Variants in FMNL2 observed in about 807,000 individuals in gnomAD.
The protein encoded by FMNL2 is formin like 2, also known as formin-like protein 2.
Under a neutral mutation model 130.2 loss-of-function variants are expected in FMNL2, and 51 were observed. The ratio of observed to expected loss-of-function variants is 0.39; its 90% CI spans 0.31 to 0.49. The LOEUF is 0.49. Ranked by LOEUF, FMNL2 falls within the 20% of genes least tolerant of loss-of-function variation. The pLI is 0.85. For synonymous variants in FMNL2, 465 were observed against 467.1 expected (o/e 1.00, Z 0.06); for missense variants, 977 against 1,316.2 (o/e 0.74, Z 3.99).
Position 152,594,451 on chromosome 2 carries a change from G to A in FMNL2, c.877-12888G>A, listed in dbSNP as rs559425458. Reference sequence around the variant, plus strand: ...GACTGCAGACAGTATTGTGACTTCCGGCCTAAGTTCCCTTTTATGACTACT... The same window carrying A: ...GACTGCAGACAGTATTGTGACTTCCAGCCTAAGTTCCCTTTTATGACTACT... On this transcript the variant is annotated intron_variant, in intron 9 of 25. Transcript: ENST00000288670. 1.4e-4 allele frequency among the ~76,000 whole-genome samples: 21 copies of A among 152,262 alleles called. No homozygotes were observed. In the South Asian group the frequency reaches 3.9e-3, roughly 29 times the overall value.
At chr2:152,565,118 A>T (rs915898734) in intron 6 of FMNL2, among the ~76,000 whole-genome samples, 1 of 152,244 alleles carries the variant, frequency 6.6e-6, no homozygotes, top group Non-Finnish European at 1.5e-5. Flanking sequence ...CATCAGATCT[A>T]TGAAGACAAA....
At chr2:152,537,560 A>C (rs952928715) in intron 2 of FMNL2, among the ~76,000 whole-genome samples, 4 of 152,180 alleles carry the variant, frequency 2.6e-5, no homozygotes, top group African/African-American at 9.7e-5. Context: ...GCTGGGGTAC[A>C]TCCTGTAGAG....
intron 1 of FMNL2, among the ~76,000 whole-genome samples, chr2:152,484,127 G>A (rs930622470): frequency 3.3e-5 from 5 of 152,118 alleles, no homozygotes; most frequent in Non-Finnish European, 5.9e-5. Context: ...TTTGCATATC[G>A]TTTCTTTTGG....
chr2:152,353,031 G>T (rs1419454711), intron 1 of FMNL2, among the ~76,000 whole-genome samples: 1 of 152,144 alleles, frequency 6.6e-6, no homozygotes, highest in Non-Finnish European at 1.5e-5. Flanking sequence ...ACCAAGCAAG[G>T]CCTCTTGAGA....
intron 1 of FMNL2, among the ~76,000 whole-genome samples, chr2:152,442,661 C>G (rs190832835): frequency 6.6e-6 from 1 of 152,256 alleles, no homozygotes; most frequent in African/African-American, 2.4e-5. Flanking sequence ...CTTTATTCAC[C>G]CTTCATTTTA....
chr2:152,535,539 G>A (rs1176838157), intron 2 of FMNL2, among the ~76,000 whole-genome samples: 1 of 152,162 alleles, frequency 6.6e-6, no homozygotes, highest in Non-Finnish European at 1.5e-5. Context: ...ATTTCTTTTT[G>A]TGCTTTTTAC....
intron 6 of FMNL2, among the ~76,000 whole-genome samples, chr2:152,568,626 A>G (rs1674509774): frequency 1.3e-5 from 2 of 152,216 alleles, no homozygotes; most frequent in Admixed American, 6.5e-5. Context: ...ATGGCTCTGG[A>G]GGCCTCAGGA....
intron 1 of FMNL2, chr2:152,390,746 T>C (rs1347147236): frequency 1.1e-5 from 7 of 644,096 alleles, no homozygotes; most frequent in African/African-American, 1.8e-5. Context: ...GGCATGGGAC[T>C]GGCCTAGACA....
At chr2:152,447,650 A>G (rs184219976) in intron 1 of FMNL2, among the ~76,000 whole-genome samples, 1 of 152,094 alleles carries the variant, frequency 6.6e-6, no homozygotes, top group African/African-American at 2.4e-5. Context: ...CCCCATTTCT[A>G]TCTTACATCA....
chr2:152,479,858 G>A (rs1690393566), intron 1 of FMNL2, among the ~76,000 whole-genome samples: 1 of 151,670 alleles, frequency 6.6e-6, no homozygotes, highest in Non-Finnish European at 1.5e-5. Context: ...CTACAGGCAC[G>A]TGCCACCGCA....
Position 152,412,446 on chromosome 2 carries a change from TTATATATATATATA to T in FMNL2, c.117+76769_117+76782del, listed in dbSNP as rs56681937. Among the ~76,000 whole-genome samples, 788 of 103,040 alleles carry T rather than the reference TTATATATATATATA, an allele frequency of 7.6e-3. 6 individuals carry two copies. The highest frequency in any genetic ancestry group is 0.013 in the African/African-American group (303 of 23,336). 67.6% of individuals were successfully genotyped at this position (103,040 alleles called of 152,430 possible). A position where few individuals can be genotyped will look rare whatever the true frequency, so the allele number is the denominator to read the frequency against. ...TTCCTCTTACTTTCTTCTGTATATT[TTATATATATATATA>T]TATATATATATATATATATATATAT... On this transcript the variant is annotated intron_variant, in intron 1 of 25. Coordinates refer to ENST00000288670, the MANE Select transcript of FMNL2 (RefSeq NM_052905.4).
At chr2:152,561,179 TAGG>T (rs1695501258) in intron 6 of FMNL2, 144 bp downstream of exon 6, 1 of 860,742 alleles carries the variant, frequency 1.2e-6, no homozygotes, top group South Asian at 2.0e-5. Flanking sequence ...AATGTTTCTT[TAGG>T]AGTTCATGGG....
chr2:152,519,665 C>T (rs1340057183), intron 1 of FMNL2, among the ~76,000 whole-genome samples: 1 of 152,188 alleles, frequency 6.6e-6, no homozygotes, highest in African/African-American at 2.4e-5. Context: ...AGCTGTGCAA[C>T]CTTGAGCAAG....
chr2:152,524,052 G>A (rs1693251763), intron 2 of FMNL2, among the ~76,000 whole-genome samples: 1 of 152,198 alleles, frequency 6.6e-6, no homozygotes, highest in African/African-American at 2.4e-5. Context: ...CTACCTGTCA[G>A]TGTGGTTTGC....
rs139957917 is a variant in FMNL2 at position 152,412,039 on chromosome 2, C to G, written c.117+76319C>G. Among the ~76,000 whole-genome samples the G allele has an allele frequency of 1.9e-4, 29 of 152,230 alleles. No homozygotes were observed. The East Asian group carries it at 3.3e-3, about 17-fold the overall frequency. On this transcript the variant is annotated intron_variant, in intron 1 of 25. Coordinates refer to ENST00000288670, the MANE Select transcript of FMNL2 (RefSeq NM_052905.4). ...GAAGCCAAACAGTAGGTTACAAACT[C>G]ATTTTGGGTTAATCTCCCTCTCCCT... is the stretch of plus-strand genomic sequence containing the variant.
chr2:152,619,139 A>G lies in FMNL2; in HGVS notation c.1608A>G (p.Ser536=). The change falls in exon 14 of 26, where the codon TCA becomes TCG. Residue 536 remains serine, a synonymous_variant. Coordinates refer to ENST00000288670, the MANE Select transcript of FMNL2 (RefSeq NM_052905.4). ...CTCCTCCACCACCACTGCCTCCCTC[A>G]TCAGACACACCTGAAACAGGTAAGA... The part of the protein sequence containing the change: ...LPPPPPPLPP[S]SDTPETVQNG... 1.3e-6 allele frequency: 2 copies of G among 1,577,428 alleles called. No individual in the cohort carries two copies. Among genetic ancestry groups the G allele is most frequent in the South Asian group, 2.3e-5 (2 of 86,546 alleles).
chr2:152,364,259 G>GTTTTTTTTTTTTTTTTTTTTTTTTTTT lies in FMNL2; in HGVS notation c.117+28540_117+28541insTTTTTTTTTTTTTTTTTTTTTTTTTTT, dbSNP rs1163993397. ...GTTTCACATCCGTTAGGAGGTTTGT[G>GTTTTTTTTTTTTTTTTTTTTTTTTTTT]TGTTTTTTTTTTTTTTTTTTTTTTT... is the stretch of plus-strand genomic sequence containing the variant. On this transcript the variant is annotated intron_variant, in intron 1 of 25. Transcript: ENST00000288670. Among the ~76,000 whole-genome samples, 2 of 100,796 alleles carry GTTTTTTTTTTTTTTTTTTTTTTTTTTT rather than the reference G, an allele frequency of 2.0e-5. 1 individual carries two copies. The highest frequency in any genetic ancestry group is 1.4e-3 in the East Asian group (2 of 1,476). 66.1% of individuals were successfully genotyped at this position (100,796 alleles called of 152,430 possible).
At chr2:152,376,728 CAG>C (rs1414417756) in intron 1 of FMNL2, among the ~76,000 whole-genome samples, 1 of 152,178 alleles carries the variant, frequency 6.6e-6, no homozygotes, top group Non-Finnish European at 1.5e-5. Flanking sequence ...TCTTTATTCT[CAG>C]AGGCAGCCCT....
intron 1 of FMNL2, among the ~76,000 whole-genome samples, chr2:152,510,383 A>G (rs1692432112): frequency 6.6e-6 from 1 of 152,190 alleles, no homozygotes; most frequent in Admixed American, 6.5e-5. Flanking sequence ...TTTTGTAAGG[A>G]TAGAAAGAGA....
Sources: allele counts gnomAD v4.1 joint callset (sites outside exome capture counted in the v4.1 genomes callset), GRCh38; gene constraint gnomAD v4.1.1; transcripts MANE v1.5; gene names NCBI Gene and HGNC (gene_info 2026-07-23, HGNC 2026-07-21).